The following ACOX1 variants were observed in gnomAD, a reference collection of about 807,000 sequenced individuals.
ACOX1 encodes the protein acyl-CoA oxidase 1.
ACOX1 carries 41 observed loss-of-function variants against 75.5 expected under a neutral mutation model. The ratio of observed to expected loss-of-function variants is 0.54; its 90% CI spans 0.42 to 0.70. The LOEUF is 0.70. Ranked by LOEUF, ACOX1 falls within the 30% of genes least tolerant of loss-of-function variation. ACOX1 has a pLI of 0.00. For missense variants in ACOX1, 630 were observed against 837.5 expected (o/e 0.75, Z 3.06); for synonymous variants, 303 against 298.8 (o/e 1.01, Z -0.15).
intron 4 of ACOX1, 64 bp downstream of exon 4, chr17:75,957,395 A>G: frequency 7.0e-7 from 1 of 1,434,420 alleles, no homozygotes; most frequent in Non-Finnish European, 9.8e-7. Flanking sequence ...AAAGCTCTAC[A>G]TTCTAAGCAA....
Position 75,948,390 on chromosome 17 carries a change from A to G in ACOX1, c.1796T>C (p.Ile599Thr). 6.2e-7 allele frequency: 1 copy of G among 1,614,192 alleles called. No individual in the cohort carries two copies. Among genetic ancestry groups the G allele is most frequent in the Non-Finnish European group, 8.5e-7 (1 of 1,180,028 alleles). The stretch of plus-strand genomic sequence containing the variant: ...AACCAAAGCAACAGCATCTGAGCGA[A>G]TCAGAGTGAGTAACTCCTTTACACG... Reference protein sequence around the residue: ...NQRVKELLTLIRSDAVALVDA... With the variant: ...NQRVKELLTLTRSDAVALVDA... The change falls in exon 13 of 14, where the codon ATT (isoleucine) becomes ACT (threonine). Residue 599 changes from isoleucine to threonine, a missense_variant. Physicochemically the swap from Ile to Thr is moderately conservative, Grantham distance 89 (BLOSUM62 -1). Around this residue, in one of 2 missense-constraint regions of ACOX1, gnomAD observed 240 missense variants for 262.7 expected, o/e 0.91. Coordinates refer to ENST00000293217, the MANE Select transcript of ACOX1 (RefSeq NM_004035.7).
intron 2 of ACOX1, among the ~76,000 whole-genome samples, chr17:75,968,805 C>A (rs1386169693): frequency 6.6e-6 from 1 of 151,262 alleles, no homozygotes; most frequent in Non-Finnish European, 1.5e-5. Flanking sequence ...GCCTGTAATC[C>A]CAGCTACTCA....
At chr17:75,951,347 T>C (rs1362015214) in intron 8 of ACOX1, 68 bp downstream of exon 8, 2 of 1,586,470 alleles carry the variant, frequency 1.3e-6, no homozygotes, top group Non-Finnish European at 1.7e-6. Context: ...TAGTTATCTC[T>C]GGACCTCATC....
In ACOX1 at chr17:75,953,451, C is replaced by A; in HGVS notation, c.944G>T (p.Gly315Val). 1 of 1,613,560 alleles carries A rather than the reference C, an allele frequency of 6.2e-7. No homozygotes were observed. The highest frequency in any genetic ancestry group is 1.1e-5 in the South Asian group (1 of 91,026). The change falls in exon 7 of 14, where the codon GGT becomes GTT. Residue 315 changes from glycine to valine, a missense_variant and splice_region_variant. Gly to Val is a moderately radical substitution (Grantham distance 109). Around this residue, in one of 2 missense-constraint regions of ACOX1, gnomAD observed 390 missense variants for 574.9 expected, o/e 0.68. Transcript: ENST00000293217. ...AVRHQSEIKP[G>V]EPEPQILDFQ... ...AGCCCATCTAGGACCCTATCCTTAC[C>A]CTGGCTTGATTTCAGACTGGTGCCT...
In ACOX1 at chr17:75,951,394, T is replaced by C. The variant is rs772519725; in HGVS notation, c.1107+21A>G. 1.9e-6 allele frequency: 3 copies of C among 1,613,836 alleles called. No homozygotes were observed. The East Asian group carries it at 6.7e-5, about 36-fold the overall frequency. On this transcript the variant is annotated intron_variant, in intron 8 of 13. Transcript: ENST00000293217. The stretch of plus-strand genomic sequence containing the variant: ...CACGAAACAGAAGGGTGCCCATGAG[T>C]GAATGAGACCAAACTCATACCTCAG...
chr17:75,964,910 CTAATCAT>C (rs2065916600), intron 2 of ACOX1, among the ~76,000 whole-genome samples: 1 of 151,898 alleles, frequency 6.6e-6, no homozygotes, highest in Non-Finnish European at 1.5e-5. Flanking sequence ...ACCAATTAGA[CTAATCAT>C]ATATGAGAAA....
At chr17:75,968,774 T>C (rs1598196204) in intron 2 of ACOX1, among the ~76,000 whole-genome samples, 1 of 151,032 alleles carries the variant, frequency 6.6e-6, no homozygotes, top group Admixed American at 6.7e-5. Flanking sequence ...AATACAAAAG[T>C]AGCCGGGCGT....
rs539005206 is a variant in ACOX1 at position 75,953,523 on chromosome 17, C to G, written c.872G>C (p.Arg291Pro). The G allele has an allele frequency of 1.2e-6, 2 of 1,614,098 alleles. No homozygotes were observed. The highest frequency in any genetic ancestry group is 1.7e-6 in the Non-Finnish European group (2 of 1,179,988). The change falls in exon 7 of 14, where the codon CGG (arginine) becomes CCG (proline). Residue 291 changes from arginine (R) to proline (P), a missense_variant. Arg to Pro is a moderately radical substitution (Grantham distance 103, BLOSUM62 -2). Around this residue, in one of 2 missense-constraint regions of ACOX1, gnomAD observed 390 missense variants for 574.9 expected, o/e 0.68. Coordinates refer to ENST00000293217, the MANE Select transcript of ACOX1 (RefSeq NM_004035.7). Reference protein sequence around the residue: ...VRSFLVGEAARALSKACTIAI... With the variant: ...VRSFLVGEAAPALSKACTIAI... ...AATGGTGCACGCCTTAGACAGAGCC[C>G]GAGCAGCTTCTCCCACAAGGAAGGA... is the stretch of plus-strand genomic sequence containing the variant.
At chr17:75,952,518 T>C (rs1302138435) in intron 7 of ACOX1, among the ~76,000 whole-genome samples, 1 of 151,948 alleles carries the variant, frequency 6.6e-6, no homozygotes, top group Admixed American at 6.6e-5. Context: ...GGTCTTGAAC[T>C]CCTGACTTCA....
chr17:75,946,807 G>A lies in ACOX1; in HGVS notation c.1936-12C>T. 1 of 1,612,532 alleles carries A rather than the reference G, an allele frequency of 6.2e-7. No individual in the cohort carries two copies. Among genetic ancestry groups the A allele is most frequent in the African/African-American group, 1.3e-5 (1 of 75,022 alleles). ...TAAGATTCGTGGACCTGTGGGGAAA[G>A]GAGAGAGAAGAACTACTAATAAAGA... is the stretch of plus-strand genomic sequence containing the variant. On this transcript the variant is annotated splice_polypyrimidine_tract_variant and intron_variant, in intron 13 of 13. Coordinates refer to ENST00000293217, the MANE Select transcript of ACOX1 (RefSeq NM_004035.7).
At chr17:75,956,932 T>C (rs1162498621) in intron 4 of ACOX1, among the ~76,000 whole-genome samples, 3 of 28,024 alleles carry the variant, frequency 1.1e-4, no homozygotes, top group African/African-American at 1.9e-4. Context: ...TCTCTCTCTC[T>C]CTCTCTCTCT....
chr17:75,951,379 A>G, intron 8 of ACOX1, 36 bp downstream of exon 8: 1 of 1,613,286 alleles, frequency 6.2e-7, no homozygotes, highest in Non-Finnish European at 8.5e-7. Context: ...CACGAAACAG[A>G]AGGGTGCCCA....
At chr17:75,958,177 A>AC (rs371871354) in intron 3 of ACOX1, among the ~76,000 whole-genome samples, 1,590 of 143,136 alleles carry the variant, frequency 0.011, 29 homozygotes, top group African/African-American at 0.037. Flanking sequence ...ACATGGTGAA[A>AC]CCCGTCTCTA....
intron 8 of ACOX1, 91 bp downstream of exon 8, chr17:75,951,324 A>C (rs541171722): frequency 6.6e-7 from 1 of 1,504,238 alleles, no homozygotes; most frequent in African/African-American, 1.4e-5. Flanking sequence ...TCTTTTCAGG[A>C]AATACCAACA....
Position 75,972,064 on chromosome 17 carries a change from G to A in ACOX1, c.269+6470C>T, listed in dbSNP as rs537838936. On this transcript the variant is annotated intron_variant, in intron 2 of 13. Coordinates refer to ENST00000293217, the MANE Select transcript of ACOX1 (RefSeq NM_004035.7). ...AAGAATCTTATCTCTCAGGCCGGGT[G>A]CAGTGGCTCATGCCTTGTAATCCCA... Among the ~76,000 whole-genome samples the A allele has an allele frequency of 3.3e-5, 5 of 151,848 alleles. No homozygotes were observed. The South Asian group carries it at 1.0e-3, about 32-fold the overall frequency.
chr17:75,948,594 GC>G, intron 12 of ACOX1, 137 bp from the exon 13 acceptor site: 1 of 795,532 alleles, frequency 1.3e-6, no homozygotes. Context: ...CACTCTTGTT[GC>G]CCAGGCTGGA....
chr17:75,967,671 C>CATACAT (rs1555618950), intron 2 of ACOX1, among the ~76,000 whole-genome samples: 2 of 90,856 alleles, frequency 2.2e-5, no homozygotes, highest in African/African-American at 1.5e-4. Context: ...CATATATATA[C>CATACAT]ATATATATAC....
At chr17:75,976,470 T>G (rs2066051389) in intron 2 of ACOX1, among the ~76,000 whole-genome samples, 1 of 152,154 alleles carries the variant, frequency 6.6e-6, no homozygotes, top group African/African-American at 2.4e-5. Flanking sequence ...AAAATCTTAC[T>G]AATTTTTTCA....
rs186600817 is a variant in ACOX1, at chr17:75,944,576, T to G, written c.*2172A>C. 6.6e-6 allele frequency: 1 copy of G among 152,332 alleles called. No homozygotes were observed. The highest frequency in any genetic ancestry group is 1.9e-4 in the East Asian group (1 of 5,196). 9.4% of individuals were successfully genotyped at this position (152,332 alleles called of 1,614,324 possible). A position where few individuals can be genotyped will look rare whatever the true frequency, so the allele number is the denominator to read the frequency against. On this transcript the variant is annotated 3_prime_UTR_variant, in exon 14 of 14. Transcript: ENST00000293217. ...GTTCCCTAAATCTAATAAACCTCTATTCTAAATTTCTTCATAATTTAAACC... is the reference window on the plus strand; with the variant it reads ...GTTCCCTAAATCTAATAAACCTCTAGTCTAAATTTCTTCATAATTTAAACC...
Sources: gnomAD v4.1 joint callset for allele counts (sites outside exome capture counted in the v4.1 genomes callset) on GRCh38, gnomAD v4.1.1 for gene constraint, gnomAD v4.1.1 regional missense constraint, MANE v1.5 for transcripts, NCBI Gene and HGNC (gene_info 2026-07-23, HGNC 2026-07-21) for gene names.